LSM14A: variants seen among roughly 807,000 people sequenced by gnomAD.
The protein encoded by LSM14A is LSM14A mRNA processing body assembly factor.
A neutral mutation model predicts 52.4 loss-of-function variants in LSM14A; 14 were observed. The observed-to-expected ratio is 0.27, with a 90% CI of 0.18 to 0.42. The LOEUF (loss-of-function observed/expected upper bound fraction) is 0.42. LSM14A is among the 10% of genes least tolerant of loss of function. LSM14A has a pLI of 1.00. For synonymous variants in LSM14A, 185 were observed against 200.3 expected (o/e 0.92, Z 0.64); for missense variants, 417 against 581.8 (o/e 0.72, Z 2.91).
intron 9 of LSM14A, 128 bp from the exon 10 acceptor site, chr19:34,227,237 G>T: frequency 1.5e-6 from 1 of 686,916 alleles, no homozygotes; most frequent in Non-Finnish European, 2.6e-6. Context: ...GAGTGAGACA[G>T]GTTTTTCTAT....
chr19:34,217,255 CAAAAAAA>C (rs55881439), intron 6 of LSM14A, among the ~76,000 whole-genome samples: 15 of 110,258 alleles, frequency 1.4e-4, no homozygotes, highest in Non-Finnish European at 1.8e-4. Flanking sequence ...GAGAGTCTGT[CAAAAAAA>C]AAAAAAAAAA....
chr19:34,208,542 T>A (rs80103177), intron 3 of LSM14A: 1 of 155,900 alleles, frequency 6.4e-6, no homozygotes, highest in Admixed American at 6.5e-5. Context: ...GTCTGCTGAT[T>A]TGGCTGTTTG....
chr19:34,207,315 G>A (rs2071776029), intron 3 of LSM14A, among the ~76,000 whole-genome samples: 1 of 152,114 alleles, frequency 6.6e-6, no homozygotes, highest in Admixed American at 6.5e-5. Context: ...AGTGGCTGAT[G>A]TCTTGGTCAT....
chr19:34,189,006 A>G (rs759438648), intron 1 of LSM14A, among the ~76,000 whole-genome samples: 27 of 152,146 alleles, frequency 1.8e-4, no homozygotes, highest in Non-Finnish European at 3.1e-4. Flanking sequence ...AGCCCTAGCA[A>G]ACTATATTGT....
At chr19:34,177,257 G>C (rs1334181698) in intron 1 of LSM14A, among the ~76,000 whole-genome samples, 2 of 151,906 alleles carry the variant, frequency 1.3e-5, no homozygotes, top group African/African-American at 4.8e-5. Flanking sequence ...TATGGCTAGT[G>C]TTTCTTTTTT....
chr19:34,196,569 A>AT (rs895951495), intron 2 of LSM14A, 65 bp from the exon 3 acceptor site: 6,162 of 1,351,630 alleles, frequency 4.6e-3, no homozygotes, highest in South Asian at 8.0e-3. Context: ...AAAATCTGGA[A>AT]TTTTTTTTTT....
At chr19:34,193,767 T>C (rs1056901048) in intron 1 of LSM14A, among the ~76,000 whole-genome samples, 2 of 152,204 alleles carry the variant, frequency 1.3e-5, no homozygotes, top group African/African-American at 4.8e-5. Flanking sequence ...CAAAGGTCAA[T>C]ACCCAAACTT....
rs146944994 is a variant in LSM14A, at chr19:34,193,049, A to G, written c.122-1429A>G. On this transcript the variant is annotated intron_variant, in intron 1 of 9. Coordinates refer to ENST00000544216, the MANE Select transcript of LSM14A (RefSeq NM_015578.4). ...TAGGGTACTCTTTAAATGAAATATGATGTTTCATATTCTCTATTTGGAACT... is the reference window on the plus strand; with the variant it reads ...TAGGGTACTCTTTAAATGAAATATGGTGTTTCATATTCTCTATTTGGAACT... 4.4e-3 allele frequency among the ~76,000 whole-genome samples: 668 copies of G among 152,326 alleles called. 7 individuals are homozygous for G. Among genetic ancestry groups the G allele is most frequent in the Admixed American group, 9.4e-3 (144 of 15,298 alleles).
rs1485896725 is a variant in LSM14A at position 34,228,398 on chromosome 19, T to C, written c.*1010T>C. On this transcript the variant is annotated 3_prime_UTR_variant, in exon 10 of 10. Coordinates refer to ENST00000544216, the MANE Select transcript of LSM14A (RefSeq NM_015578.4). ...AGCTGTATTTTCAAATAAGTAATCT[T>C]CCCCCCTTTTGTAGGACTTTAAAAC... 2 of 152,624 alleles carry C rather than the reference T, an allele frequency of 1.3e-5. No homozygotes were observed. The highest frequency in any genetic ancestry group is 2.9e-5 in the Non-Finnish European group (2 of 68,032). 9.5% of individuals were successfully genotyped at this position (152,624 alleles called of 1,614,324 possible).
At chr19:34,174,635 C>G (rs1238582625) in intron 1 of LSM14A, among the ~76,000 whole-genome samples, 5 of 152,162 alleles carry the variant, frequency 3.3e-5, no homozygotes, top group Admixed American at 3.3e-4. Context: ...TTTGCTTGGC[C>G]TTATTTTGAA....
At chr19:34,188,752 C>T (rs559447422) in intron 1 of LSM14A, among the ~76,000 whole-genome samples, 4 of 152,140 alleles carry the variant, frequency 2.6e-5, no homozygotes, top group East Asian at 1.9e-4. Flanking sequence ...AATGCTTTCA[C>T]GCTTCACTCT....
At chr19:34,203,291 G>T (rs1410354787) in intron 3 of LSM14A, among the ~76,000 whole-genome samples, 2 of 147,036 alleles carry the variant, frequency 1.4e-5, no homozygotes, top group Non-Finnish European at 3.1e-5. Flanking sequence ...TGTGCCAGAT[G>T]GAGGAGTATT....
In LSM14A at chr19:34,185,427, G is replaced by A. The variant is rs2069824361; in HGVS notation, c.122-9051G>A. On this transcript the variant is annotated intron_variant, in intron 1 of 9. Coordinates refer to ENST00000544216, the MANE Select transcript of LSM14A (RefSeq NM_015578.4). The stretch of plus-strand genomic sequence containing the variant: ...GTGCAGTAATATTTGCTAACAGGAA[G>A]AAAGTAGTGTGGGTAAGGGTGAAGA... Among the ~76,000 whole-genome samples, 3 of 152,230 alleles carry A rather than the reference G, an allele frequency of 2.0e-5. No individual in the cohort carries two copies. The South Asian group carries it at 6.2e-4, about 31-fold the overall frequency.
At chr19:34,217,621 T>TG (rs2072742501) in intron 6 of LSM14A, among the ~76,000 whole-genome samples, 1 of 71,804 alleles carries the variant, frequency 1.4e-5, no homozygotes, top group Non-Finnish European at 2.7e-5. Flanking sequence ...CCCCCCGTGT[T>TG]TTTTTTTTTT....
intron 1 of LSM14A, among the ~76,000 whole-genome samples, chr19:34,178,571 A>G (rs1003848450): frequency 5.3e-5 from 8 of 152,154 alleles, no homozygotes; most frequent in African/African-American, 1.9e-4. Context: ...GCTTATTTGC[A>G]TATGTGTTTA....
intron 1 of LSM14A, among the ~76,000 whole-genome samples, chr19:34,190,968 A>T (rs1024129540): frequency 6.6e-6 from 1 of 151,940 alleles, no homozygotes; most frequent in African/African-American, 2.4e-5. Context: ...CTATTCTGTT[A>T]TATCTTTAAT....
chr19:34,216,535 C>T (rs773712672), intron 6 of LSM14A, among the ~76,000 whole-genome samples: 3 of 151,956 alleles, frequency 2.0e-5, no homozygotes, highest in Non-Finnish European at 2.9e-5. Flanking sequence ...TCTCAGCTCA[C>T]GGCAGCCTCC....
intron 9 of LSM14A, chr19:34,226,323 C>G: frequency 3.0e-5 from 36 of 1,210,046 alleles, no homozygotes; most frequent in Non-Finnish European, 3.5e-5. Context: ...GCTCTCTCTC[C>G]TCTCCCCCTT....
In LSM14A at chr19:34,227,411, T is replaced by C. The variant is rs371369320; in HGVS notation, c.*23T>C. ...TAGTCTACAAACAAGTCTCTGAAAA[T>C]AGGTGAATTTCTAGCTCTTCATGGT... On this transcript the variant is annotated 3_prime_UTR_variant, in exon 10 of 10. Coordinates refer to ENST00000544216, the MANE Select transcript of LSM14A (RefSeq NM_015578.4). 19 of 1,572,644 alleles carry C rather than the reference T, an allele frequency of 1.2e-5. No homozygotes were observed. In the African/African-American group the frequency reaches 1.9e-4, roughly 16 times the overall value.
Sources: gnomAD v4.1 joint callset for allele counts (sites outside exome capture counted in the v4.1 genomes callset) on GRCh38, gnomAD v4.1.1 for gene constraint, MANE v1.5 for transcripts, NCBI Gene and HGNC (gene_info 2026-07-23, HGNC 2026-07-21) for gene names.